Variants in INA observed in about 807,000 individuals in gnomAD.
The protein encoded by INA is alpha-internexin.
Under a neutral mutation model 40.1 loss-of-function variants are expected in INA, and 35 were observed. The ratio of observed to expected loss-of-function variants is 0.87; its 90% CI spans 0.67 to 1.16. The LOEUF (loss-of-function observed/expected upper bound fraction) is 1.16. Among genes scored for constraint, INA ranks in the 50% most tolerant of loss-of-function variants. The pLI, the probability that INA is intolerant of heterozygous loss-of-function variation, is 0.00. For synonymous variants in INA, 290 were observed against 316.9 expected (o/e 0.92, Z 0.90); for missense variants, 594 against 686.7 (o/e 0.87, Z 1.51).
At position 103,277,348 on chromosome 10, in the gene INA, G is replaced by C; in HGVS notation, c.137G>C (p.Ser46Thr). 1 of 1,580,578 alleles carries C rather than the reference G, an allele frequency of 6.3e-7. No homozygotes were observed. The highest frequency in any genetic ancestry group is 8.5e-7 in the Non-Finnish European group (1 of 1,169,630). Residue 46 changes from serine to threonine, a missense_variant, in exon 1 of 3, where the codon AGC (serine) becomes ACC (threonine). Ser to Thr is a moderately conservative substitution (Grantham distance 58). This residue lies in a region of INA where 215 missense variants were observed against 190.6 expected (regional missense o/e 1.13). Transcript: ENST00000369849. This position sits in a 1 kb window ranked among gnomAD's most constrained non-coding sequence, Gnocchi z 5.6. Reference sequence around the variant, plus strand: ...TTCCGCTCGCAGTCGCTGTCCCGCAGCAATGTGGCCTCCTCGGCCGCCTGC... The same window carrying C: ...TTCCGCTCGCAGTCGCTGTCCCGCACCAATGTGGCCTCCTCGGCCGCCTGC... Reference protein sequence around the residue: ...GGFRSQSLSRSNVASSAACSS... With the variant: ...GGFRSQSLSRTNVASSAACSS...
rs923505845 is a variant in INA at position 103,289,749 on chromosome 10, T to C, written c.*1080T>C. The C allele has an allele frequency of 5.9e-5, 9 of 152,256 alleles. No individual in the cohort carries two copies. The highest frequency in any genetic ancestry group is 1.9e-4 in the African/African-American group (8 of 41,548). The allele number at this position is 152,256 out of a possible 1,614,324, so 9.4% of individuals were successfully genotyped here. ...GGTCATAAAGAGGCGTTGCTTTCAC[T>C]CTCCTATGCCTTTTACGAGTGCTAA... On this transcript the variant is annotated 3_prime_UTR_variant, in exon 3 of 3. Coordinates refer to ENST00000369849, the MANE Select transcript of INA (RefSeq NM_032727.4).
chr10:103,278,261 G>A lies in INA; in HGVS notation c.1050G>A (p.Glu350=). The A allele has an allele frequency of 6.4e-7, 1 of 1,560,350 alleles. No individual in the cohort carries two copies. The highest frequency in any genetic ancestry group is 1.2e-5 in the South Asian group (1 of 85,502). Residue 350 remains glutamate (E), a synonymous_variant, in exon 1 of 3, where the codon GAG becomes GAA. Transcript: ENST00000369849. This position sits in a 1 kb window ranked among gnomAD's most constrained non-coding sequence, Gnocchi z 4.9. ...ILELEERHSA[E]VAGYQDSIGQ... ...AGCTGGAGGAGCGGCACAGTGCCGA[G>A]GTAGCTGGCTACCAGGTAAGGGCCG...
chr10:103,287,201 T>C, intron 2 of INA, 42 bp downstream of exon 2: 1 of 1,595,054 alleles, frequency 6.3e-7, no homozygotes, highest in Non-Finnish European at 8.5e-7. Flanking sequence ...TCCAGTCACC[T>C]AGGGGCAATG....
chr10:103,287,426 A>G (rs997796433), intron 2 of INA, among the ~76,000 whole-genome samples: 2 of 151,952 alleles, frequency 1.3e-5, no homozygotes, highest in African/African-American at 4.8e-5. Context: ...AACCCATGAG[A>G]CTCGTAACTT....
At chr10:103,279,156 A>C (rs2093067584) in intron 1 of INA, among the ~76,000 whole-genome samples, 1 of 152,094 alleles carries the variant, frequency 6.6e-6, no homozygotes, top group Admixed American at 6.6e-5. Flanking sequence ...GGCTACCTGC[A>C]ATCAAAGGTC....
In INA at chr10:103,277,799, G is replaced by A; in HGVS notation, c.588G>A (p.Leu196=). ...SRGREGAERA[L]KAQQRDVDGA... The stretch of plus-strand genomic sequence containing the variant: ...GACGCGAAGGCGCCGAGCGCGCCCT[G>A]AAGGCGCAGCAGCGCGACGTGGACG... Residue 196 remains leucine (L), a synonymous_variant, in exon 1 of 3, where the codon CTG becomes CTA. Coordinates refer to ENST00000369849, the MANE Select transcript of INA (RefSeq NM_032727.4). This position sits in a 1 kb window ranked among gnomAD's most constrained non-coding sequence, Gnocchi z 5.6. 6.5e-7 allele frequency: 1 copy of A among 1,526,726 alleles called. No individual in the cohort carries two copies. Among genetic ancestry groups the A allele is most frequent in the Non-Finnish European group, 8.8e-7 (1 of 1,142,012 alleles). 94.6% of individuals were successfully genotyped at this position (1,526,726 alleles called of 1,614,324 possible). A position where few individuals can be genotyped will look rare whatever the true frequency, so the allele number is the denominator to read the frequency against.
chr10:103,277,265 G>A lies in INA; in HGVS notation c.54G>A (p.Val18=). The change falls in exon 1 of 3, where the codon GTG becomes GTA. Residue 18 remains valine (V), a synonymous_variant. Coordinates refer to ENST00000369849, the MANE Select transcript of INA (RefSeq NM_032727.4). This position sits in a 1 kb window ranked among gnomAD's most constrained non-coding sequence, Gnocchi z 5.6. The stretch of plus-strand genomic sequence containing the variant: ...GCTCCTCCTCCTCCTACCGCAAGGT[G>A]TTCGGGGATGGCTCTCGCCTGTCCG... The part of the protein sequence containing the change: ...YLCSSSSYRK[V]FGDGSRLSAR... The A allele has an allele frequency of 1.3e-6, 2 of 1,594,612 alleles. No individual in the cohort carries two copies. Among genetic ancestry groups the A allele is most frequent in the Non-Finnish European group, 1.7e-6 (2 of 1,174,140 alleles).
rs202015210 is a variant in INA, at chr10:103,277,376, C to T, written c.165C>T (p.Ser55=). ...ATGTGGCCTCCTCGGCCGCCTGCTC[C>T]TCGGCCTCGTCGCTCGGCCTCGGCC... ...RSNVASSAAC[S]SASSLGLGLA... The change falls in exon 1 of 3, where the codon TCC becomes TCT. Residue 55 remains serine, a synonymous_variant. Transcript: ENST00000369849. The surrounding 1 kb of genome is among the most constrained non-coding windows in gnomAD (Gnocchi z 5.6). 1.5e-4 allele frequency: 235 copies of T among 1,563,396 alleles called. No individual in the cohort carries two copies. In the African/African-American group the frequency reaches 2.9e-3, roughly 19 times the overall value.
chr10:103,287,120 A>G lies in INA; in HGVS notation c.1151A>G (p.Asn384Ser). 6.2e-7 allele frequency: 1 copy of G among 1,613,922 alleles called. No individual in the cohort carries two copies. The highest frequency in any genetic ancestry group is 8.5e-7 in the Non-Finnish European group (1 of 1,179,928). The change falls in exon 2 of 3, where the codon AAT becomes AGT. Residue 384 changes from asparagine to serine, a missense_variant. Physicochemically the swap from Asn to Ser is conservative, Grantham distance 46 (BLOSUM62 1). Transcript: ENST00000369849. ...RHLREYQDLL[N>S]VKMALDIEIA... ...CTTCGGGAATACCAGGACTTGCTCA[A>G]TGTCAAAATGGCTCTTGACATTGAG...
chr10:103,285,618 CTT>C (rs1198555714), intron 1 of INA, among the ~76,000 whole-genome samples: 45 of 125,672 alleles, frequency 3.6e-4, no homozygotes, highest in African/African-American at 6.2e-4. Context: ...TGAACTGAAT[CTT>C]TTTTTTTTTT....
rs760932168 is a variant in INA, at chr10:103,288,702, G to C, written c.*33G>C. ...GCTTTGAAAAAGTTAATGCTTAAGA[G>C]GGAATGATATGCATTTGACTTGTTA... On this transcript the variant is annotated 3_prime_UTR_variant, in exon 3 of 3. Transcript: ENST00000369849. 1 of 1,383,976 alleles carries C rather than the reference G, an allele frequency of 7.2e-7. No individual in the cohort carries two copies. Among genetic ancestry groups the C allele is most frequent in the Non-Finnish European group, 9.9e-7 (1 of 1,010,532 alleles). 85.7% of individuals were successfully genotyped at this position (1,383,976 alleles called of 1,614,324 possible).
In INA at chr10:103,277,241, C is replaced by T; in HGVS notation, c.30C>T (p.Cys10=). 6.3e-7 allele frequency: 1 copy of T among 1,584,186 alleles called. No homozygotes were observed. Among genetic ancestry groups the T allele is most frequent in the Non-Finnish European group, 8.6e-7 (1 of 1,168,598 alleles). ...GCTTCGGCTCGGAGCACTACCTGTG[C>T]TCCTCCTCCTCCTACCGCAAGGTGT... The part of the protein sequence containing the change: MSFGSEHYL[C]SSSSYRKVFG... Residue 10 remains cysteine, a synonymous_variant, in exon 1 of 3, where the codon TGC becomes TGT. Transcript: ENST00000369849. This position sits in a 1 kb window ranked among gnomAD's most constrained non-coding sequence, Gnocchi z 5.6.
intron 1 of INA, among the ~76,000 whole-genome samples, chr10:103,284,301 G>T (rs182629499): frequency 1.2e-4 from 18 of 152,232 alleles, no homozygotes; most frequent in African/African-American, 4.1e-4. Context: ...TATCGCAACT[G>T]GGAGAGGGAA....
At chr10:103,287,220 A>C in intron 2 of INA, 61 bp downstream of exon 2, 5 of 1,560,284 alleles carry the variant, frequency 3.2e-6, no homozygotes, top group Non-Finnish European at 4.3e-6. Flanking sequence ...TGCTGCCCAA[A>C]TAAGTGGATC....
rs1245304970 is a variant in INA at position 103,289,608 on chromosome 10, T to C, written c.*939T>C. Reference sequence around the variant, plus strand: ...GTAAGCTAGAAGAAGTGAGTGTTTCTATGAGTGGAAAAAGCCAAGGTGTCA... The same window carrying C: ...GTAAGCTAGAAGAAGTGAGTGTTTCCATGAGTGGAAAAAGCCAAGGTGTCA... On this transcript the variant is annotated 3_prime_UTR_variant, in exon 3 of 3. Transcript: ENST00000369849. The C allele has an allele frequency of 6.6e-6, 1 of 152,614 alleles. No homozygotes were observed. The highest frequency in any genetic ancestry group is 1.5e-5 in the Non-Finnish European group (1 of 68,048). 9.5% of individuals were successfully genotyped at this position (152,614 alleles called of 1,614,324 possible). A position where few individuals can be genotyped will look rare whatever the true frequency, so the allele number is the denominator to read the frequency against.
intron 1 of INA, chr10:103,280,592 A>G: frequency 1.0e-6 from 1 of 985,456 alleles, no homozygotes; most frequent in Non-Finnish European, 1.2e-6. Flanking sequence ...GAAACATAGG[A>G]AGGCCCCATT....
At position 103,290,030 on chromosome 10, in the gene INA, C is replaced by T. The variant is rs1455359849; in HGVS notation, c.*1361C>T. On this transcript the variant is annotated 3_prime_UTR_variant, in exon 3 of 3. Transcript: ENST00000369849. ...AGATTCTGGACAGTCAGCTCTTCATCTGCCCAACTGTGTAGCATCTGCATT... is the reference window on the plus strand; with the variant it reads ...AGATTCTGGACAGTCAGCTCTTCATTTGCCCAACTGTGTAGCATCTGCATT... 2 of 152,658 alleles carry T rather than the reference C, an allele frequency of 1.3e-5. No homozygotes were observed. Among genetic ancestry groups the T allele is most frequent in the Non-Finnish European group, 2.9e-5 (2 of 68,058 alleles). The allele number at this position is 152,658 out of a possible 1,614,324, so 9.5% of individuals were successfully genotyped here.
rs370418792 is a variant in INA, at chr10:103,277,423, C to T, written c.212C>T (p.Ala71Val). Residue 71 changes from alanine to valine, a missense_variant, in exon 1 of 3, where the codon GCG (alanine) becomes GTG (valine). By Grantham distance (64) the Ala-to-Val change is moderately conservative. Transcript: ENST00000369849. This position sits in a 1 kb window ranked among gnomAD's most constrained non-coding sequence, Gnocchi z 5.6. Reference protein sequence around the residue: ...GLGLAYRRPPASDGLDLSQAA... With the variant: ...GLGLAYRRPPVSDGLDLSQAA... ...GGCCTGGCCTATCGCCGGCCGCCGG[C>T]GTCCGACGGGCTGGACCTGAGCCAG... is the stretch of plus-strand genomic sequence containing the variant. 3.2e-6 allele frequency: 5 copies of T among 1,561,786 alleles called. No homozygotes were observed. Among genetic ancestry groups the T allele is most frequent in the East Asian group, 2.5e-5 (1 of 40,066 alleles).
In INA at chr10:103,277,413, C is replaced by G; in HGVS notation, c.202C>G (p.Arg68Gly). ...GCTCGGCCTCGGCCTGGCCTATCGC[C>G]GGCCGCCGGCGTCCGACGGGCTGGA... The part of the protein sequence containing the change: ...SSLGLGLAYR[R>G]PPASDGLDLS... Residue 68 changes from arginine to glycine, a missense_variant, in exon 1 of 3, where the codon CGG becomes GGG. Arg to Gly is a moderately radical substitution (Grantham distance 125). This residue lies in a region of INA where 215 missense variants were observed against 190.6 expected (regional missense o/e 1.13). Transcript: ENST00000369849. The surrounding 1 kb of genome is among the most constrained non-coding windows in gnomAD (Gnocchi z 5.6). 1 of 1,558,620 alleles carries G rather than the reference C, an allele frequency of 6.4e-7. No homozygotes were observed. The highest frequency in any genetic ancestry group is 8.6e-7 in the Non-Finnish European group (1 of 1,158,734).
Sources: gnomAD v4.1 joint callset for allele counts (sites outside exome capture counted in the v4.1 genomes callset) on GRCh38, gnomAD v4.1.1 for gene constraint, gnomAD v4.1.1 regional missense constraint, Gnocchi (gnomAD v3.1) non-coding constraint, MANE v1.5 for transcripts, NCBI Gene and HGNC (gene_info 2026-07-23, HGNC 2026-07-21) for gene names.